Variants in SCMH1 observed in about 807,000 individuals in gnomAD.
SCMH1 encodes the protein Scm polycomb group protein homolog 1.
Under a neutral mutation model 70.8 loss-of-function variants are expected in SCMH1, and 37 were observed. The ratio of observed to expected loss-of-function variants is 0.52; its 90% CI spans 0.40 to 0.69. The LOEUF (loss-of-function observed/expected upper bound fraction) is 0.69. Ranked by LOEUF, SCMH1 falls within the 30% of genes least tolerant of loss-of-function variation. SCMH1 has a pLI of 0.00. For synonymous variants in SCMH1, 292 were observed against 307.4 expected, an observed-to-expected ratio of 0.95 and a Z score of 0.52; for missense variants, 607 against 827.3, an observed-to-expected ratio of 0.73 and a Z score of 3.27.
intron 1 of SCMH1, among the ~76,000 whole-genome samples, chr1:41,216,306 T>C (rs905719879): frequency 7.2e-5 from 11 of 152,174 alleles, no homozygotes; most frequent in African/African-American, 2.7e-4. Context: ...CTCATTAAGG[T>C]AGGCAAAAGT....
At chr1:41,172,464 G>A (rs1276669261) in intron 2 of SCMH1, among the ~76,000 whole-genome samples, 1 of 152,036 alleles carries the variant, frequency 6.6e-6, no homozygotes, top group Non-Finnish European at 1.5e-5. Flanking sequence ...TATATCTCAT[G>A]TTCATGGATT....
intron 1 of SCMH1, among the ~76,000 whole-genome samples, chr1:41,210,637 G>T (rs1381334586): frequency 6.6e-6 from 1 of 152,016 alleles, no homozygotes; most frequent in Admixed American, 6.5e-5. Flanking sequence ...AATGGTGCTG[G>T]GGAAACTGGC....
At chr1:41,182,003 G>C (rs1480176860) in intron 2 of SCMH1, among the ~76,000 whole-genome samples, 2 of 152,158 alleles carry the variant, frequency 1.3e-5, no homozygotes, top group African/African-American at 4.8e-5. Flanking sequence ...TATACACCAT[G>C]GAATACTATG....
chr1:41,089,787 C>CTCTCTTTTTTTTTTT (rs1240914488), intron 8 of SCMH1, among the ~76,000 whole-genome samples: 1 of 58,756 alleles, frequency 1.7e-5, no homozygotes, highest in Non-Finnish European at 2.9e-5. Flanking sequence ...CATGTTGTCT[C>CTCTCTTTTTTTTTTT]TTTTTTTTTT....
At chr1:41,119,548 C>A (rs74069017) in intron 6 of SCMH1, among the ~76,000 whole-genome samples, 1 of 152,076 alleles carries the variant, frequency 6.6e-6, no homozygotes, top group African/African-American at 2.4e-5. Context: ...AAACACAATG[C>A]TGTTTAAGAG....
At chr1:41,035,549 T>A (rs1645172369) in intron 13 of SCMH1, among the ~76,000 whole-genome samples, 1 of 152,176 alleles carries the variant, frequency 6.6e-6, no homozygotes, top group South Asian at 2.1e-4. Context: ...CAGGCCTTTC[T>A]CTATTCACTG....
chr1:41,141,429 TATGAGCAGCA>T (rs1211980669), intron 6 of SCMH1, among the ~76,000 whole-genome samples: 12 of 152,236 alleles, frequency 7.9e-5, no homozygotes, highest in African/African-American at 2.9e-4. Context: ...TGATCTAGAC[TATGAGCAGCA>T]ATGGCTGCTA....
chr1:41,158,777 GTTT>G (rs1226546145), intron 4 of SCMH1, among the ~76,000 whole-genome samples: 6 of 152,158 alleles, frequency 3.9e-5, no homozygotes, highest in Non-Finnish European at 5.9e-5. Flanking sequence ...TTAGGAAGCT[GTTT>G]TAATAATCTA....
intron 8 of SCMH1, among the ~76,000 whole-genome samples, chr1:41,091,946 C>T (rs1663658153): frequency 6.6e-6 from 1 of 152,120 alleles, no homozygotes; most frequent in South Asian, 2.1e-4. Context: ...GGCCATACTG[C>T]CCAAGGTACT....
intron 8 of SCMH1, among the ~76,000 whole-genome samples, chr1:41,098,344 T>G (rs1171628515): frequency 6.6e-6 from 1 of 152,242 alleles, no homozygotes; most frequent in Non-Finnish European, 1.5e-5. Flanking sequence ...GGCTTCAATT[T>G]CCTTATTCAC....
chr1:41,099,860 C>A (rs1572102501), intron 8 of SCMH1, among the ~76,000 whole-genome samples: 1 of 152,150 alleles, frequency 6.6e-6, no homozygotes, highest in African/African-American at 2.4e-5. Context: ...TATGGGCTTG[C>A]TAAATGTTAA....
intron 12 of SCMH1, among the ~76,000 whole-genome samples, chr1:41,039,479 C>CTT (rs35830007): frequency 5.8e-4 from 85 of 145,524 alleles, no homozygotes; most frequent in Non-Finnish European, 8.3e-4. Context: ...ATTGCAAATA[C>CTT]TTTTTTTTTT....
At chr1:41,048,347 A>G (rs1387032504) in intron 11 of SCMH1, among the ~76,000 whole-genome samples, 2 of 152,224 alleles carry the variant, frequency 1.3e-5, no homozygotes, top group Non-Finnish European at 2.9e-5. Context: ...TCCTGAAACC[A>G]GGTGGGAGGC....
intron 1 of SCMH1, among the ~76,000 whole-genome samples, chr1:41,221,586 CA>C (rs34767728): frequency 0.37 from 51,832 of 138,258 alleles, 10,220 homozygotes; most frequent in Admixed American, 0.52. Flanking sequence ...ACGCTCATAG[CA>C]AAAAAAAAAA....
chr1:41,117,998 CTT>C (rs1454290004), intron 6 of SCMH1, among the ~76,000 whole-genome samples: 1 of 152,222 alleles, frequency 6.6e-6, no homozygotes, highest in Middle Eastern at 3.4e-3. Context: ...CGTCTTGTGT[CTT>C]TATTTCTACA....
chr1:41,204,413 A>C (rs1366291239), intron 1 of SCMH1, among the ~76,000 whole-genome samples: 2 of 152,108 alleles, frequency 1.3e-5, no homozygotes, highest in African/African-American at 4.8e-5. Context: ...AGCACTTCAA[A>C]TCAAATCCAA....
At position 41,085,435 on chromosome 1, in the gene SCMH1, A is replaced by G. The variant is rs190795597; in HGVS notation, c.746-9984T>C. ...ATCTTACTGGAGAAACACAAGAGGT[A>G]TTCCCACTAAGGTCAGGAATAAAGT... On this transcript the variant is annotated intron_variant, in intron 8 of 14. Transcript: ENST00000337495. Among the ~76,000 whole-genome samples the G allele has an allele frequency of 1.5e-3, 234 of 152,352 alleles. 1 individual carries two copies. The highest frequency in any genetic ancestry group is 1.8e-3 in the Non-Finnish European group (120 of 68,028).
rs200251258 is a variant in SCMH1, at chr1:41,145,586, C to CA, written c.178-2475dup. 7.9e-4 allele frequency among the ~76,000 whole-genome samples: 120 copies of CA among 152,042 alleles called. 1 individual carries two copies. The East Asian group carries it at 0.022, about 27-fold the overall frequency. Reference sequence around the variant, plus strand: ...TTTAGAATGAATTTGTCAATTTCTGCAAAAAAGGCAGCTGGGATTTTGACA... The same window carrying CA: ...TTTAGAATGAATTTGTCAATTTCTGCAAAAAAAGGCAGCTGGGATTTTGACA... On this transcript the variant is annotated intron_variant, in intron 5 of 14. Coordinates refer to ENST00000337495, the Ensembl canonical transcript of SCMH1.
At chr1:41,188,993 G>C (rs1039041396) in intron 1 of SCMH1, among the ~76,000 whole-genome samples, 13 of 152,124 alleles carry the variant, frequency 8.5e-5, no homozygotes, top group African/African-American at 2.9e-4. Flanking sequence ...ATAATACTAT[G>C]CCAATATGCA....
Sources: allele counts gnomAD v4.1 joint callset (sites outside exome capture counted in the v4.1 genomes callset), GRCh38; gene constraint gnomAD v4.1.1; transcripts MANE v1.5; gene names NCBI Gene and HGNC (gene_info 2026-07-23, HGNC 2026-07-21).